NAP1L4: variants seen among roughly 807,000 people sequenced by gnomAD.
NAP1L4 encodes nucleosome assembly protein 1-like 4.
Under a neutral mutation model 58.2 loss-of-function variants are expected in NAP1L4, and 15 were observed. That is an observed-to-expected ratio of 0.26 (90% CI 0.17 to 0.40). The LOEUF is 0.40. NAP1L4 is among the 10% of genes least tolerant of loss of function. NAP1L4 has a pLI of 1.00. For synonymous variants in NAP1L4, 171 were observed against 155.6 expected (o/e 1.10, Z -0.74); for missense variants, 384 against 451.1 (o/e 0.85, Z 1.35).
chr11:2,985,065 G>A (rs1165349071), intron 1 of NAP1L4, among the ~76,000 whole-genome samples: 3 of 152,152 alleles, frequency 2.0e-5, no homozygotes, highest in African/African-American at 7.2e-5. Flanking sequence ...TAGACTGAAG[G>A]TAATTTTATA....
intron 7 of NAP1L4, among the ~76,000 whole-genome samples, chr11:2,965,437 G>A (rs945713561): frequency 2.6e-5 from 4 of 152,238 alleles, no homozygotes; most frequent in Admixed American, 2.0e-4. Flanking sequence ...AGAAGGTACA[G>A]TAAGAATATG....
chr11:2,968,045 G>A lies in NAP1L4; in HGVS notation c.534+1758C>T, dbSNP rs968743310. 6.6e-5 allele frequency among the ~76,000 whole-genome samples: 10 copies of A among 152,286 alleles called. 1 individual carries two copies. Among genetic ancestry groups the A allele is most frequent in the African/African-American group, 2.4e-4 (10 of 41,560 alleles). On this transcript the variant is annotated intron_variant, in intron 7 of 15. Coordinates refer to ENST00000380542, the MANE Select transcript of NAP1L4 (RefSeq NM_005969.4). ...CACTGCACCCCCAATCCCACGTGAA[G>A]ATGCTCCAACCCTGCAGTGCAAGAA...
At position 2,964,738 on chromosome 11, in the gene NAP1L4, G is replaced by A. The variant is rs1163458221; in HGVS notation, c.548C>T (p.Pro183Leu). The change falls in exon 8 of 16, where the codon CCA (proline) becomes CTA (leucine). Residue 183 changes from proline (P) to leucine (L), a missense_variant. Pro to Leu is a moderately conservative substitution (Grantham distance 98, BLOSUM62 -3). Around this residue, in one of 3 missense-constraint regions of NAP1L4, gnomAD observed 296 missense variants for 360.8 expected, o/e 0.82. Transcript: ENST00000380542. ...LSELVQEYDEPILKHLQDIKV... is the reference protein window; with the variant it reads ...LSELVQEYDELILKHLQDIKV... ...AATATCCTGCAGGTGTTTCAAGATT[G>A]GTTCATCATATTCCTAATCAAAAAG... The A allele has an allele frequency of 1.9e-6, 3 of 1,613,082 alleles. No homozygotes were observed. Among genetic ancestry groups the A allele is most frequent in the Non-Finnish European group, 2.5e-6 (3 of 1,179,408 alleles).
At chr11:2,990,841 A>T (rs187749388) in intron 1 of NAP1L4, 82 of 260,266 alleles carry the variant, frequency 3.2e-4, no homozygotes, top group African/African-American at 1.6e-3. Flanking sequence ...CCTGGTGCGC[A>T]GTGCAGGTAT....
At chr11:2,953,046 T>C (rs1846323335) in intron 12 of NAP1L4, among the ~76,000 whole-genome samples, 1 of 152,244 alleles carries the variant, frequency 6.6e-6, no homozygotes, top group Non-Finnish European at 1.5e-5. Flanking sequence ...CCATGAGCTC[T>C]ACTTACAGCT....
chr11:2,949,330 C>A lies in NAP1L4; in HGVS notation c.1123-66G>T, dbSNP rs1282811596. The A allele has an allele frequency of 2.2e-6, 3 of 1,339,448 alleles. No individual in the cohort carries two copies. Among genetic ancestry groups the A allele is most frequent in the East Asian group, 2.3e-5 (1 of 43,586 alleles). 83.0% of individuals were successfully genotyped at this position (1,339,448 alleles called of 1,614,324 possible). A position where few individuals can be genotyped will look rare whatever the true frequency, so the allele number is the denominator to read the frequency against. ...AGAAAATGAAATGCACAAAATTATA[C>A]AGGAGGAAACGGCCACAATTTCTCA... On this transcript the variant is annotated intron_variant, in intron 14 of 15. Coordinates refer to ENST00000380542, the MANE Select transcript of NAP1L4 (RefSeq NM_005969.4). The surrounding 1 kb of genome is among the most constrained non-coding windows in gnomAD (Gnocchi z 4.0).
intron 8 of NAP1L4, among the ~76,000 whole-genome samples, chr11:2,961,813 T>A (rs1250654246): frequency 6.6e-6 from 1 of 152,232 alleles, no homozygotes; most frequent in African/African-American, 2.4e-5. Context: ...ATTACAGGCA[T>A]GAGCTACCAC....
chr11:2,972,924 T>C (rs543482847), intron 4 of NAP1L4, among the ~76,000 whole-genome samples: 2 of 152,244 alleles, frequency 1.3e-5, no homozygotes, highest in African/African-American at 2.4e-5. Flanking sequence ...GGAGCTATGA[T>C]TGCGCTACTG....
chr11:2,977,313 T>C (rs1465255412), intron 3 of NAP1L4, among the ~76,000 whole-genome samples: 1 of 152,214 alleles, frequency 6.6e-6, no homozygotes, highest in Non-Finnish European at 1.5e-5. Flanking sequence ...TAATCATCAA[T>C]CTCAGTGTCC....
intron 1 of NAP1L4, among the ~76,000 whole-genome samples, chr11:2,985,458 G>A (rs1848563504): frequency 6.6e-6 from 1 of 152,194 alleles, no homozygotes; most frequent in African/African-American, 2.4e-5. Flanking sequence ...ACAGCCCGAA[G>A]ACTCATCCAG....
At chr11:2,983,221 T>C (rs543574560) in intron 1 of NAP1L4, among the ~76,000 whole-genome samples, 27 of 152,260 alleles carry the variant, frequency 1.8e-4, no homozygotes, top group African/African-American at 5.8e-4. Context: ...ATAATAAATA[T>C]CTGTTGAAAG....
intron 8 of NAP1L4, among the ~76,000 whole-genome samples, chr11:2,961,060 G>A (rs1050205734): frequency 1.3e-5 from 2 of 151,706 alleles, no homozygotes; most frequent in Non-Finnish European, 2.9e-5. Flanking sequence ...TTAGAGCCGC[G>A]TTTATAGGCA....
chr11:2,960,114 TTCA>T (rs1846780800), intron 8 of NAP1L4: 2 of 541,690 alleles, frequency 3.7e-6, no homozygotes, highest in Non-Finnish European at 6.5e-6. Flanking sequence ...ATCTGTTCAG[TTCA>T]TGAGTAAGGG....
chr11:2,990,906 T>TA (rs1462799755), intron 1 of NAP1L4: 2 of 340,392 alleles, frequency 5.9e-6, no homozygotes, highest in Non-Finnish European at 1.2e-5. Context: ...TAGAAAGACT[T>TA]ACCTTTAAGG....
intron 8 of NAP1L4, among the ~76,000 whole-genome samples, chr11:2,962,641 T>G (rs1846996489): frequency 6.6e-6 from 1 of 151,894 alleles, no homozygotes; most frequent in Non-Finnish European, 1.5e-5. Context: ...ATTTTCTACA[T>G]ATGACTTTTA....
chr11:2,972,772 C>T (rs1404326651), intron 4 of NAP1L4, among the ~76,000 whole-genome samples: 1 of 152,150 alleles, frequency 6.6e-6, no homozygotes, highest in East Asian at 1.9e-4. Context: ...ACTCCAAGAC[C>T]AGCCTGAGCA....
Position 2,954,171 on chromosome 11 carries a change from A to G in NAP1L4, c.1035+356T>C. 1 of 263,346 alleles carries G rather than the reference A, an allele frequency of 3.8e-6. No individual in the cohort carries two copies. The allele number at this position is 263,346 out of a possible 1,614,324, so 16.3% of individuals were successfully genotyped here. ...ACAGGCTAGCATAAGTCCACTGTCAATAAATGTTTGTTGTGGCCAGACCTC... is the reference window on the plus strand; with the variant it reads ...ACAGGCTAGCATAAGTCCACTGTCAGTAAATGTTTGTTGTGGCCAGACCTC... On this transcript the variant is annotated intron_variant, in intron 12 of 15. Coordinates refer to ENST00000380542, the MANE Select transcript of NAP1L4 (RefSeq NM_005969.4). The surrounding 1 kb of genome is among the most constrained non-coding windows in gnomAD (Gnocchi z 4.8).
At chr11:2,979,602 A>G (rs1848182434) in intron 1 of NAP1L4, among the ~76,000 whole-genome samples, 3 of 151,980 alleles carry the variant, frequency 2.0e-5, no homozygotes, top group South Asian at 4.2e-4. Context: ...GTGAAACCCC[A>G]TCTCTACTAA....
At chr11:2,983,967 C>G (rs1848473559) in intron 1 of NAP1L4, among the ~76,000 whole-genome samples, 1 of 147,394 alleles carries the variant, frequency 6.8e-6, no homozygotes, top group African/African-American at 2.5e-5. Flanking sequence ...GCCTGGGAGA[C>G]AGAGTGAGAC....
Sources: gnomAD v4.1 joint callset for allele counts (sites outside exome capture counted in the v4.1 genomes callset) on GRCh38, gnomAD v4.1.1 for gene constraint, gnomAD v4.1.1 regional missense constraint, Gnocchi (gnomAD v3.1) non-coding constraint, MANE v1.5 for transcripts, NCBI Gene and HGNC (gene_info 2026-07-23, HGNC 2026-07-21) for gene names.